PDE4D: variants seen among roughly 807,000 people sequenced by gnomAD.
PDE4D encodes 3',5'-cyclic-AMP phosphodiesterase 4D.
PDE4D carries 24 observed loss-of-function variants against 87.4 expected under a neutral mutation model. The observed-to-expected ratio is 0.27, with a 90% CI of 0.20 to 0.39. The LOEUF is 0.39. Among genes scored for constraint, PDE4D ranks in the 10% least tolerant of loss-of-function variants. PDE4D has a pLI of 1.00. For synonymous variants in PDE4D, 384 were observed against 383.2 expected (o/e 1.00, Z -0.02); for missense variants, 714 against 1,041.0 (o/e 0.69, Z 4.32).
At chr5:60,267,357 T>C (rs1259501036) in intron 1 of PDE4D, among the ~76,000 whole-genome samples, 1 of 152,160 alleles carries the variant, frequency 6.6e-6, no homozygotes, top group Non-Finnish European at 1.5e-5. Context: ...AATGAGATCA[T>C]AGTATATAAA....
chr5:59,454,704 G>T (rs1466950057), intron 1 of PDE4D, among the ~76,000 whole-genome samples: 1 of 152,188 alleles, frequency 6.6e-6, no homozygotes, highest in African/African-American at 2.4e-5. Flanking sequence ...GGGCTTAGAA[G>T]AAGACAGGAA....
intron 3 of PDE4D, among the ~76,000 whole-genome samples, chr5:59,909,498 C>T (rs546427595): frequency 1.3e-5 from 2 of 151,940 alleles, no homozygotes; most frequent in Non-Finnish European, 2.9e-5. Flanking sequence ...TGGCCTCAAT[C>T]GATCCTCCCA....
Position 60,041,330 on chromosome 5 carries a change from T to G in PDE4D, c.43-52613A>C, listed in dbSNP as rs1474097982. On this transcript the variant is annotated intron_variant, in intron 2 of 16. Coordinates refer to the PDE4D transcript ENST00000502484. ...ATTTCTCTTGAGAAAAAAAAATCACTTCTTGTCATGTTTCAATCACCCTCT... is the reference window on the plus strand; with the variant it reads ...ATTTCTCTTGAGAAAAAAAAATCACGTCTTGTCATGTTTCAATCACCCTCT... 4.6e-5 allele frequency among the ~76,000 whole-genome samples: 7 copies of G among 152,272 alleles called. No individual in the cohort carries two copies. The East Asian group carries it at 1.4e-3, about 29-fold the overall frequency.
intron 1 of PDE4D, among the ~76,000 whole-genome samples, chr5:59,223,284 A>G (rs1018482641): frequency 6.6e-6 from 1 of 152,154 alleles, no homozygotes; most frequent in African/African-American, 2.4e-5. Context: ...GGTCCCAACA[A>G]CCTAGGTGGG....
At chr5:60,241,557 C>A (rs1035292175) in intron 1 of PDE4D, among the ~76,000 whole-genome samples, 3 of 151,940 alleles carry the variant, frequency 2.0e-5, no homozygotes, top group African/African-American at 7.3e-5. Context: ...CAGCTGGAGT[C>A]TCTTAATAGC....
chr5:59,177,269 C>A (rs1288970194), intron 5 of PDE4D, among the ~76,000 whole-genome samples: 1 of 152,152 alleles, frequency 6.6e-6, no homozygotes, highest in Admixed American at 6.5e-5. Context: ...GCATCCTGAT[C>A]TCAGACTTCC....
At chr5:59,181,968 A>C (rs1325430751) in intron 4 of PDE4D, among the ~76,000 whole-genome samples, 1 of 152,084 alleles carries the variant, frequency 6.6e-6, no homozygotes, top group Non-Finnish European at 1.5e-5. Flanking sequence ...AAGTTGGGGA[A>C]AGCAGCCTGG....
At chr5:59,799,276 G>A (rs1766850130) in intron 1 of PDE4D, among the ~76,000 whole-genome samples, 1 of 152,186 alleles carries the variant, frequency 6.6e-6, no homozygotes, top group Non-Finnish European at 1.5e-5. Flanking sequence ...GTTAACTGCA[G>A]AGAATGACTG....
At chr5:60,238,238 T>A (rs1746646139) in intron 1 of PDE4D, among the ~76,000 whole-genome samples, 1 of 152,050 alleles carries the variant, frequency 6.6e-6, no homozygotes, top group Non-Finnish European at 1.5e-5. Context: ...TCATGGAATT[T>A]ATACATTTCA....
chr5:59,460,657 C>T lies in PDE4D; in HGVS notation c.456-244689G>A, dbSNP rs547255295. On this transcript the variant is annotated intron_variant, in intron 1 of 14. Coordinates refer to ENST00000340635, the MANE Select transcript of PDE4D (RefSeq NM_001104631.2). ...AGCTTCCAAGAAGACGGGTGACTGC[C>T]TTTTCCTGGAAAAAGGGAGCTGCAG... is the stretch of plus-strand genomic sequence containing the variant. Among the ~76,000 whole-genome samples, 4 of 152,264 alleles carry T rather than the reference C, an allele frequency of 2.6e-5. No individual in the cohort carries two copies. In the East Asian group the frequency reaches 7.7e-4, roughly 29 times the overall value.
intron 1 of PDE4D, among the ~76,000 whole-genome samples, chr5:59,885,919 A>AT (rs1435152406): frequency 1.3e-5 from 2 of 152,200 alleles, no homozygotes; most frequent in Non-Finnish European, 2.9e-5. Context: ...TCCAAGTTCT[A>AT]TCTTTGAACA....
chr5:59,195,460 C>T (rs866283116), intron 2 of PDE4D, among the ~76,000 whole-genome samples: 4 of 152,104 alleles, frequency 2.6e-5, no homozygotes, highest in African/African-American at 9.7e-5. Context: ...AGAGCTGCAA[C>T]GAGAAGCTCG....
intron 11 of PDE4D, among the ~76,000 whole-genome samples, chr5:58,978,586 A>G (rs1479823406): frequency 2.6e-5 from 4 of 152,152 alleles, no homozygotes; most frequent in Non-Finnish European, 5.9e-5. Flanking sequence ...TAATGGAGCT[A>G]GGAAGGAGAG....
chr5:59,700,100 C>T (rs1269477209), intron 1 of PDE4D, among the ~76,000 whole-genome samples: 2 of 152,174 alleles, frequency 1.3e-5, no homozygotes, highest in African/African-American at 4.8e-5. Context: ...ATAACCATTA[C>T]TGAACTCTAT....
chr5:59,956,978 T>C (rs531068404), intron 3 of PDE4D, among the ~76,000 whole-genome samples: 93 of 152,294 alleles, frequency 6.1e-4, no homozygotes, highest in Non-Finnish European at 1.2e-4. Context: ...ATAACATAAA[T>C]ATATATGTGG....
Position 58,969,837 on chromosome 5 carries a change from T to C in PDE4D, c.*4827A>G, listed in dbSNP as rs997750508. ...ATTAAGTAAGTATGGAAGGCCCCTT[T>C]CAAAGCTTGCTTAGAAAACACCATG... On this transcript the variant is annotated 3_prime_UTR_variant, in exon 15 of 15. Coordinates refer to ENST00000340635, the MANE Select transcript of PDE4D (RefSeq NM_001104631.2). 3.9e-5 allele frequency: 6 copies of C among 152,164 alleles called. No individual in the cohort carries two copies. Among genetic ancestry groups the C allele is most frequent in the African/African-American group, 1.4e-4 (6 of 41,448 alleles). The allele number at this position is 152,164 out of a possible 1,614,324, so 9.4% of individuals were successfully genotyped here. A position where few individuals can be genotyped will look rare whatever the true frequency, so the allele number is the denominator to read the frequency against.
At position 60,196,633 on chromosome 5, in the gene PDE4D, C is replaced by T. The variant is rs116725579; in HGVS notation, c.-89-10946G>A. Reference sequence around the variant, plus strand: ...AGCCTCTGAGATGTGTCATCATCAGCTTGACTATAACAGATCCATTGAGAG... The same window carrying T: ...AGCCTCTGAGATGTGTCATCATCAGTTTGACTATAACAGATCCATTGAGAG... On this transcript the variant is annotated intron_variant, in intron 1 of 16. Transcript: ENST00000502484. Among the ~76,000 whole-genome samples, 151 of 151,592 alleles carry T rather than the reference C, an allele frequency of 1.0e-3. 4 individuals are homozygous for T. The highest frequency in any genetic ancestry group is 3.3e-3 in the African/African-American group (137 of 41,454).
intron 5 of PDE4D, among the ~76,000 whole-genome samples, chr5:59,152,211 GCC>G (rs1779571576): frequency 6.6e-6 from 1 of 152,134 alleles, no homozygotes. Context: ...GATCATGCAT[GCC>G]CAGTCTTAGC....
chr5:59,808,428 C>A (rs1767978233), intron 1 of PDE4D, among the ~76,000 whole-genome samples: 1 of 152,116 alleles, frequency 6.6e-6, no homozygotes, highest in Non-Finnish European at 1.5e-5. Context: ...AGTGTTTAAC[C>A]CAGAGCTCTT....
Sources: allele counts gnomAD v4.1 joint callset (sites outside exome capture counted in the v4.1 genomes callset), GRCh38; gene constraint gnomAD v4.1.1; transcripts MANE v1.5; gene names NCBI Gene and HGNC (gene_info 2026-07-23, HGNC 2026-07-21).